Variants in MBD5 observed in about 807,000 individuals in gnomAD.
The protein encoded by MBD5 is methyl-CpG binding domain protein 5.
Under a neutral mutation model 117.3 loss-of-function variants are expected in MBD5, and 13 were observed. That is an observed-to-expected ratio of 0.11 (90% CI 0.07 to 0.18). The LOEUF (loss-of-function observed/expected upper bound fraction) is 0.18, where lower values mean the gene tolerates loss of function less well. Among genes scored for constraint, MBD5 ranks in the 10% least tolerant of loss-of-function variants. The pLI is 1.00. For missense variants in MBD5, 1,879 were observed against 2,093.8 expected, an observed-to-expected ratio of 0.90 and a Z score of 2.00; for synonymous variants, 727 against 766.4, an observed-to-expected ratio of 0.95 and a Z score of 0.85.
At chr2:148,237,880 G>A (rs895264804) in intron 3 of MBD5, among the ~76,000 whole-genome samples, 2 of 152,162 alleles carry the variant, frequency 1.3e-5, no homozygotes, top group African/African-American at 4.8e-5. Flanking sequence ...TCTACCAGCT[G>A]TGTGACCATG....
chr2:148,493,617 G>A (rs1681597587), intron 11 of MBD5, among the ~76,000 whole-genome samples: 1 of 152,204 alleles, frequency 6.6e-6, no homozygotes, highest in African/African-American at 2.4e-5. Flanking sequence ...GCCAAGGGCT[G>A]AGACCTCCCC....
Position 148,222,108 on chromosome 2 carries a change from G to A in MBD5, c.-830-11137G>A, listed in dbSNP as rs150116133. ...GTTTCTGGGTTCTCTATTCTGTTCC[G>A]TTGGTCTACATGTGTGTTTTTATGT... On this transcript the variant is annotated intron_variant, in intron 2 of 13. Coordinates refer to ENST00000642680, the MANE Select transcript of MBD5 (RefSeq NM_001378120.1). Among the ~76,000 whole-genome samples, 813 of 152,032 alleles carry A rather than the reference G, an allele frequency of 5.3e-3. 10 individuals carry two copies. The highest frequency in any genetic ancestry group is 0.019 in the African/African-American group (778 of 41,516).
At chr2:148,322,284 A>G (rs1012541542) in intron 3 of MBD5, among the ~76,000 whole-genome samples, 1 of 152,246 alleles carries the variant, frequency 6.6e-6, no homozygotes, top group Non-Finnish European at 1.5e-5. Context: ...ATAACGTTCA[A>G]GTCTAAAGTA....
intron 1 of MBD5, among the ~76,000 whole-genome samples, chr2:148,022,735 C>G (rs1392327041): frequency 6.6e-6 from 1 of 152,094 alleles, no homozygotes; most frequent in Admixed American, 6.6e-5. Context: ...ACACAAATTT[C>G]TAAAATATGT....
At chr2:148,294,492 G>C (rs547624982) in intron 3 of MBD5, among the ~76,000 whole-genome samples, 1 of 80,878 alleles carries the variant, frequency 1.2e-5, no homozygotes, top group Non-Finnish European at 2.5e-5. Context: ...CCAAAGTGCT[G>C]GGATTACAGT....
chr2:148,281,736 G>A (rs1330792182), intron 3 of MBD5, among the ~76,000 whole-genome samples: 1 of 151,968 alleles, frequency 6.6e-6, no homozygotes, highest in Non-Finnish European at 1.5e-5. Context: ...TCAGTGGGTG[G>A]ATTGACTTAA....
chr2:148,240,990 C>A (rs979227450), intron 3 of MBD5, among the ~76,000 whole-genome samples: 4 of 150,808 alleles, frequency 2.7e-5, no homozygotes, highest in Admixed American at 6.6e-5. Flanking sequence ...TTATGATGAT[C>A]TTTTTCTTTA....
intron 1 of MBD5, among the ~76,000 whole-genome samples, chr2:148,060,404 A>T (rs1482564282): frequency 6.6e-6 from 1 of 152,020 alleles, no homozygotes; most frequent in African/African-American, 2.4e-5. Flanking sequence ...AAATTTTATC[A>T]TACATTCTTG....
chr2:148,273,975 T>C (rs1701043237), intron 3 of MBD5, among the ~76,000 whole-genome samples: 1 of 152,220 alleles, frequency 6.6e-6, no homozygotes, highest in African/African-American at 2.4e-5. Context: ...TCTTCCTTTA[T>C]TCTGCTATAC....
intron 1 of MBD5, among the ~76,000 whole-genome samples, chr2:148,091,266 C>T (rs1695933071): frequency 6.6e-6 from 1 of 152,068 alleles, no homozygotes; most frequent in African/African-American, 2.4e-5. Context: ...CAGTTCCCAT[C>T]AAAATACCAT....
chr2:148,021,483 G>GCTGCTGCTGCTA lies in MBD5; in HGVS notation c.-1115_-1114insACTGCTGCTGCT, dbSNP rs1322010208. The GCTGCTGCTGCTA allele has an allele frequency of 5.0e-5, 28 of 565,562 alleles. 2 individuals carry two copies. Among genetic ancestry groups the GCTGCTGCTGCTA allele is most frequent in the Non-Finnish European group, 8.9e-5 (26 of 292,998 alleles). The allele number at this position is 565,562 out of a possible 1,614,324, so 35.0% of individuals were successfully genotyped here. The stretch of plus-strand genomic sequence containing the variant: ...TGCTGTTGCTGCTGCTGCTGCTGTT[G>GCTGCTGCTGCTA]CTGCTGCTGCTGCTACTGCTGCTGC... On this transcript the variant is annotated 5_prime_UTR_variant, in exon 1 of 14. Transcript: ENST00000642680.
chr2:148,385,201 G>T lies in MBD5; in HGVS notation c.-557+42865G>T, dbSNP rs534826212. Among the ~76,000 whole-genome samples the T allele has an allele frequency of 4.2e-3, 631 of 152,042 alleles. 6 individuals are homozygous for T. The highest frequency in any genetic ancestry group is 0.015 in the African/African-American group (612 of 41,394). ...AACCTACAGAATGGGAGAAAATTTT[G>T]GCAACGTACTCATCTGACAAAGGGC... is the stretch of plus-strand genomic sequence containing the variant. On this transcript the variant is annotated intron_variant, in intron 4 of 13. Transcript: ENST00000642680.
At chr2:148,108,510 G>A (rs1696427181) in intron 1 of MBD5, among the ~76,000 whole-genome samples, 1 of 151,230 alleles carries the variant, frequency 6.6e-6, no homozygotes, top group South Asian at 2.1e-4. Context: ...TCGGCTATTG[G>A]GTTGTCCCAC....
chr2:148,408,632 A>G lies in MBD5; in HGVS notation c.-556-49571A>G, dbSNP rs1252817544. Among the ~76,000 whole-genome samples, 3 of 152,176 alleles carry G rather than the reference A, an allele frequency of 2.0e-5. No homozygotes were observed. In the East Asian group the frequency reaches 5.8e-4, roughly 29 times the overall value. On this transcript the variant is annotated intron_variant, in intron 4 of 13. Coordinates refer to ENST00000642680, the MANE Select transcript of MBD5 (RefSeq NM_001378120.1). ...GCTGTAAAACATTAACATCCATGTTAATGAAAATAAAAAATAGTATGTAAT... is the reference window on the plus strand; with the variant it reads ...GCTGTAAAACATTAACATCCATGTTGATGAAAATAAAAAATAGTATGTAAT...
intron 1 of MBD5, among the ~76,000 whole-genome samples, chr2:148,068,383 T>G (rs1472072714): frequency 6.6e-6 from 1 of 152,186 alleles, no homozygotes; most frequent in African/African-American, 2.4e-5. Flanking sequence ...GCACATTCAG[T>G]TGAACCTAAG....
chr2:148,331,359 C>G (rs902121430), intron 3 of MBD5, among the ~76,000 whole-genome samples: 4 of 145,646 alleles, frequency 2.7e-5, no homozygotes, highest in Non-Finnish European at 6.0e-5. Flanking sequence ...TCCCCAGATG[C>G]AATCATTTTC....
At chr2:148,325,589 T>C (rs1317749867) in intron 3 of MBD5, among the ~76,000 whole-genome samples, 2 of 152,222 alleles carry the variant, frequency 1.3e-5, no homozygotes, top group African/African-American at 2.4e-5. Context: ...GAGGAATTTA[T>C]CCATTTCTTC....
intron 1 of MBD5, among the ~76,000 whole-genome samples, chr2:148,023,576 A>C (rs758573436): frequency 9.2e-5 from 14 of 152,184 alleles, no homozygotes; most frequent in Non-Finnish European, 1.9e-4. Context: ...TGCCATTCCA[A>C]GTCCTTGTAA....
At chr2:148,120,566 A>G (rs1696746709) in intron 1 of MBD5, among the ~76,000 whole-genome samples, 1 of 152,140 alleles carries the variant, frequency 6.6e-6, no homozygotes, top group Non-Finnish European at 1.5e-5. Context: ...TTATTTTCTT[A>G]ACTTCACTGT....
Sources: allele counts gnomAD v4.1 joint callset (sites outside exome capture counted in the v4.1 genomes callset), GRCh38; gene constraint gnomAD v4.1.1; transcripts MANE v1.5; gene names NCBI Gene and HGNC (gene_info 2026-07-23, HGNC 2026-07-21).